The following ELMOD1 variants were observed in gnomAD, a reference collection of about 807,000 sequenced individuals.
The protein encoded by ELMOD1 is ELMO domain-containing protein 1.
In ELMOD1, 21 loss-of-function variants were observed where a neutral mutation model predicts 46.7. The observed-to-expected ratio is 0.45, with a 90% CI of 0.32 to 0.65. ELMOD1 has a LOEUF of 0.65. ELMOD1 is among the 30% of genes least tolerant of loss of function. ELMOD1 has a pLI of 0.04. For missense variants in ELMOD1, 348 were observed against 407.8 expected (o/e 0.85, Z 1.26); for synonymous variants, 122 against 138.2 (o/e 0.88, Z 0.82).
At chr11:107,610,998 C>CAAAAAAAAAAAAA (rs58417281) in intron 1 of ELMOD1, among the ~76,000 whole-genome samples, 25 of 95,718 alleles carry the variant, frequency 2.6e-4, no homozygotes, top group Non-Finnish European at 3.2e-4. Flanking sequence ...TGTAAGAATC[C>CAAAAAAAAAAAAA]AAAAAAAAAA....
intron 1 of ELMOD1, among the ~76,000 whole-genome samples, chr11:107,611,748 A>T (rs1173877566): frequency 6.6e-6 from 1 of 151,700 alleles, no homozygotes; most frequent in Non-Finnish European, 1.5e-5. Flanking sequence ...AGACACGAAC[A>T]GACACTTCTC....
chr11:107,620,868 CA>C (rs1416078974), intron 2 of ELMOD1, among the ~76,000 whole-genome samples: 1 of 150,390 alleles, frequency 6.6e-6, no homozygotes, highest in East Asian at 1.9e-4. Flanking sequence ...GTCTCAAAAA[CA>C]AAAAAAAGAA....
At chr11:107,644,319 T>G (rs1226464823) in intron 6 of ELMOD1, among the ~76,000 whole-genome samples, 1 of 151,862 alleles carries the variant, frequency 6.6e-6, no homozygotes, top group Admixed American at 6.6e-5. Flanking sequence ...AAAAAGCATT[T>G]TATTATTCAA....
rs971881286 is a variant in ELMOD1 at position 107,618,304 on chromosome 11, C to T, written c.17+98C>T. ...CCAGTCATCGTTTGTGATCCTGTGA[C>T]CAGGACTCCTAAGATTCTGTGAAAT... On this transcript the variant is annotated intron_variant, in intron 2 of 11. Coordinates refer to ENST00000265840, the MANE Select transcript of ELMOD1 (RefSeq NM_018712.4). 3.7e-6 allele frequency: 5 copies of T among 1,343,208 alleles called. No individual in the cohort carries two copies. In the Admixed American group the frequency reaches 5.9e-5, roughly 16 times the overall value. The allele number at this position is 1,343,208 out of a possible 1,614,324, so 83.2% of individuals were successfully genotyped here. A position where few individuals can be genotyped will look rare whatever the true frequency, so the allele number is the denominator to read the frequency against.
chr11:107,654,574 C>T (rs1866589759), intron 10 of ELMOD1, among the ~76,000 whole-genome samples: 1 of 151,964 alleles, frequency 6.6e-6, no homozygotes, highest in African/African-American at 2.4e-5. Context: ...TCGAGACCAT[C>T]CTGGCTAACA....
chr11:107,610,998 C>CAA (rs58417281), intron 1 of ELMOD1, among the ~76,000 whole-genome samples: 33,178 of 95,276 alleles, frequency 0.35, 5,310 homozygotes, highest in Admixed American at 0.4. Flanking sequence ...TGTAAGAATC[C>CAA]AAAAAAAAAA....
At chr11:107,616,980 G>T (rs967584930) in intron 1 of ELMOD1, among the ~76,000 whole-genome samples, 1 of 152,092 alleles carries the variant, frequency 6.6e-6, no homozygotes, top group Non-Finnish European at 1.5e-5. Flanking sequence ...AAACACAAAA[G>T]TACAAAGGAT....
At chr11:107,628,771 TTAAA>T (rs1441205331) in intron 2 of ELMOD1, among the ~76,000 whole-genome samples, 1 of 151,674 alleles carries the variant, frequency 6.6e-6, no homozygotes, top group Non-Finnish European at 1.5e-5. Flanking sequence ...TTTTCATTTT[TTAAA>T]TAAAATAATA....
Position 107,605,191 on chromosome 11 carries a change from C to CTT in ELMOD1, c.-85-12896_-85-12895dup, listed in dbSNP as rs1033311280. Among the ~76,000 whole-genome samples, 80 of 128,140 alleles carry CTT rather than the reference C, an allele frequency of 6.2e-4. 1 individual carries two copies. The highest frequency in any genetic ancestry group is 1.5e-3 in the African/African-American group (53 of 35,188). The allele number at this position is 128,140 out of a possible 152,430, so 84.1% of individuals were successfully genotyped here. A position where few individuals can be genotyped will look rare whatever the true frequency, so the allele number is the denominator to read the frequency against. On this transcript the variant is annotated intron_variant, in intron 1 of 11. Coordinates refer to ENST00000265840, the MANE Select transcript of ELMOD1 (RefSeq NM_018712.4). ...TGTAGCTGAGAGATGAATTTTCTTT[C>CTT]TTTTTTTTTTTTTTTTTTTCTTTTT...
At chr11:107,601,195 C>T (rs1865591369) in intron 1 of ELMOD1, among the ~76,000 whole-genome samples, 1 of 151,994 alleles carries the variant, frequency 6.6e-6, no homozygotes, top group Admixed American at 6.6e-5. Context: ...TGATTTTCCA[C>T]TACAGAAGTG....
rs191900940 is a variant in ELMOD1, at chr11:107,640,708, C to A, written c.420+4943C>A. Among the ~76,000 whole-genome samples, 4 of 152,334 alleles carry A rather than the reference C, an allele frequency of 2.6e-5. No individual in the cohort carries two copies. The East Asian group carries it at 7.7e-4, about 29-fold the overall frequency. On this transcript the variant is annotated intron_variant, in intron 6 of 11. Coordinates refer to ENST00000265840, the MANE Select transcript of ELMOD1 (RefSeq NM_018712.4). ...AAGGATTTAAATACTTTGGTCACAA[C>A]ATGTACAATTTTTTGACCCTGAGTG...
At position 107,609,310 on chromosome 11, in the gene ELMOD1, G is replaced by A. The variant is rs181493737; in HGVS notation, c.-85-8795G>A. Among the ~76,000 whole-genome samples the A allele has an allele frequency of 9.9e-5, 15 of 152,212 alleles. No homozygotes were observed. In the East Asian group the frequency reaches 2.7e-3, roughly 27 times the overall value. On this transcript the variant is annotated intron_variant, in intron 1 of 11. Transcript: ENST00000265840. Reference sequence around the variant, plus strand: ...ATTAAACTGGGGTAATCTCAAATTAGGAAGATTATAAAAATGAAATAGTAT... The same window carrying A: ...ATTAAACTGGGGTAATCTCAAATTAAGAAGATTATAAAAATGAAATAGTAT...
intron 1 of ELMOD1, among the ~76,000 whole-genome samples, chr11:107,602,605 G>C (rs1196632184): frequency 1.3e-5 from 2 of 151,700 alleles, no homozygotes; most frequent in Non-Finnish European, 2.9e-5. Flanking sequence ...TTCTCTTAAA[G>C]TTCCCTTTTA....
intron 6 of ELMOD1, chr11:107,643,735 G>A (rs761010018): frequency 1.0e-5 from 5 of 496,854 alleles, no homozygotes; most frequent in Non-Finnish European, 2.1e-5. Context: ...TGTCAGTATT[G>A]GAGCAATCTT....
At chr11:107,604,074 C>T (rs1865648331) in intron 1 of ELMOD1, among the ~76,000 whole-genome samples, 1 of 150,120 alleles carries the variant, frequency 6.7e-6, no homozygotes, top group Non-Finnish European at 1.5e-5. Flanking sequence ...AGAGCATACG[C>T]TGCCTTCAAC....
At chr11:107,609,837 G>A (rs1020906209) in intron 1 of ELMOD1, among the ~76,000 whole-genome samples, 8 of 152,142 alleles carry the variant, frequency 5.3e-5, no homozygotes, top group Non-Finnish European at 5.9e-5. Context: ...CAATGTCCCT[G>A]TATACATTGA....
intron 1 of ELMOD1, among the ~76,000 whole-genome samples, chr11:107,609,774 G>A (rs187370534): frequency 1.3e-4 from 20 of 152,288 alleles, no homozygotes; most frequent in Middle Eastern, 3.4e-3. Flanking sequence ...CTCTAGGGGC[G>A]TTTGATATGA....
chr11:107,636,698 C>G (rs1054008108), intron 6 of ELMOD1, among the ~76,000 whole-genome samples: 1 of 152,174 alleles, frequency 6.6e-6, no homozygotes, highest in Non-Finnish European at 1.5e-5. Context: ...AGTACTTAAG[C>G]AGATGACTCA....
At chr11:107,653,964 C>T (rs1866574788) in intron 9 of ELMOD1, 3 of 551,852 alleles carry the variant, frequency 5.4e-6, no homozygotes, top group Non-Finnish European at 9.7e-6. Context: ...CATGGCTATA[C>T]TAAAGTGGAT....
Sources: gnomAD v4.1 joint callset for allele counts (sites outside exome capture counted in the v4.1 genomes callset) on GRCh38, gnomAD v4.1.1 for gene constraint, MANE v1.5 for transcripts, NCBI Gene and HGNC (gene_info 2026-07-23, HGNC 2026-07-21) for gene names.